Variants in UBE3C observed in about 807,000 individuals in gnomAD.
UBE3C encodes ubiquitin protein ligase E3C.
Under a neutral mutation model 129.4 loss-of-function variants are expected in UBE3C, and 42 were observed. The ratio of observed to expected loss-of-function variants is 0.32; its 90% CI spans 0.25 to 0.42. UBE3C has a LOEUF of 0.42. UBE3C is among the 10% of genes least tolerant of loss of function. The pLI, the probability that UBE3C is intolerant of heterozygous loss-of-function variation, is 1.00. For missense variants in UBE3C, 1,049 were observed against 1,319.1 expected, an observed-to-expected ratio of 0.80 and a Z score of 3.17; for synonymous variants, 510 against 492.4, an observed-to-expected ratio of 1.04 and a Z score of -0.47.
chr7:157,268,865 A>C lies in UBE3C; in HGVS notation c.*1110A>C, dbSNP rs571217833. On this transcript the variant is annotated 3_prime_UTR_variant, in exon 23 of 23. Coordinates refer to ENST00000348165, the MANE Select transcript of UBE3C (RefSeq NM_014671.3). ...GTCTCTACAAACAGAAAGCGTTTCAAAGCGTCAGCTGTGGGAGCAGAGTGA... is the reference window on the plus strand; with the variant it reads ...GTCTCTACAAACAGAAAGCGTTTCACAGCGTCAGCTGTGGGAGCAGAGTGA... 2.6e-5 allele frequency: 4 copies of C among 152,784 alleles called. No homozygotes were observed. Among genetic ancestry groups the C allele is most frequent in the African/African-American group, 9.6e-5 (4 of 41,586 alleles). The allele number at this position is 152,784 out of a possible 1,614,324, so 9.5% of individuals were successfully genotyped here. A position where few individuals can be genotyped will look rare whatever the true frequency, so the allele number is the denominator to read the frequency against.
intron 10 of UBE3C, among the ~76,000 whole-genome samples, chr7:157,199,308 A>G (rs969722266): frequency 2.0e-5 from 3 of 152,158 alleles, no homozygotes; most frequent in African/African-American, 7.2e-5. Flanking sequence ...TTCTTAGCAA[A>G]TAAAACTCCA....
intron 16 of UBE3C, 118 bp from the exon 17 acceptor site, chr7:157,225,286 CTAT>C: frequency 8.9e-7 from 1 of 1,122,872 alleles, no homozygotes; most frequent in Non-Finnish European, 1.2e-6. Flanking sequence ...GATACCTTGA[CTAT>C]TAGCATTTAT....
At chr7:157,203,055 C>T (rs1809334880) in intron 11 of UBE3C, among the ~76,000 whole-genome samples, 1 of 152,146 alleles carries the variant, frequency 6.6e-6, no homozygotes, top group Admixed American at 6.5e-5. Flanking sequence ...ATATGTAGAG[C>T]AAAAGATATT....
intron 4 of UBE3C, among the ~76,000 whole-genome samples, chr7:157,172,769 C>G (rs760935731): frequency 6.6e-6 from 1 of 152,186 alleles, no homozygotes; most frequent in Non-Finnish European, 1.5e-5. Context: ...AACAGGATGT[C>G]CTGGCCTCAC....
intron 13 of UBE3C, among the ~76,000 whole-genome samples, chr7:157,214,184 C>A (rs1298388430): frequency 6.6e-6 from 1 of 151,912 alleles, no homozygotes; most frequent in East Asian, 1.9e-4. Context: ...GTGATTACTT[C>A]TTTTTTCATA....
At chr7:157,153,378 G>A (rs151162507) in intron 1 of UBE3C, among the ~76,000 whole-genome samples, 2 of 152,162 alleles carry the variant, frequency 1.3e-5, no homozygotes, top group Non-Finnish European at 2.9e-5. Flanking sequence ...GTTAACTCTG[G>A]AACCAACTGT....
intron 1 of UBE3C, among the ~76,000 whole-genome samples, chr7:157,148,937 G>A (rs1807681624): frequency 1.3e-5 from 2 of 152,186 alleles, no homozygotes; most frequent in South Asian, 4.2e-4. Context: ...AATGTTAATT[G>A]ACTGTCAGGA....
intron 10 of UBE3C, chr7:157,198,100 G>T (rs903101561): frequency 6.2e-7 from 1 of 1,612,166 alleles, no homozygotes; most frequent in African/African-American, 1.3e-5. Context: ...GCATTTGTTG[G>T]TTCATTGTAA....
intron 22 of UBE3C, among the ~76,000 whole-genome samples, chr7:157,263,557 G>A (rs1019760375): frequency 2.0e-5 from 3 of 151,904 alleles, no homozygotes; most frequent in East Asian, 1.9e-4. Context: ...CCAGCTACTC[G>A]GGAGGTTGAG....
intron 1 of UBE3C, among the ~76,000 whole-genome samples, chr7:157,150,380 A>G (rs1023668047): frequency 6.9e-6 from 1 of 144,548 alleles, no homozygotes; most frequent in Non-Finnish European, 1.5e-5. Context: ...CTCTGTCTCA[A>G]AAAAAAAAAA....
chr7:157,189,874 C>A (rs1156714403), intron 10 of UBE3C, among the ~76,000 whole-genome samples: 2 of 152,124 alleles, frequency 1.3e-5, no homozygotes, highest in Non-Finnish European at 2.9e-5. Flanking sequence ...GAACTCGGCT[C>A]ACTGCAACCT....
chr7:157,242,984 G>A (rs1796383058), intron 18 of UBE3C, among the ~76,000 whole-genome samples: 1 of 152,034 alleles, frequency 6.6e-6, no homozygotes, highest in African/African-American at 2.4e-5. Context: ...GAAACCGGAA[G>A]GCAGAGATTA....
intron 18 of UBE3C, among the ~76,000 whole-genome samples, chr7:157,237,506 A>G (rs1332417203): frequency 6.6e-6 from 1 of 152,196 alleles, no homozygotes; most frequent in Non-Finnish European, 1.5e-5. Flanking sequence ...CTGCCCTTGG[A>G]TTAAGTAGGT....
rs1314734813 is a variant in UBE3C at position 157,201,715 on chromosome 7, T to C, written c.1332-6T>C. The C allele has an allele frequency of 6.3e-7, 1 of 1,591,778 alleles. No homozygotes were observed. Among genetic ancestry groups the C allele is most frequent in the South Asian group, 1.1e-5 (1 of 88,786 alleles). On this transcript the variant is annotated splice_polypyrimidine_tract_variant and splice_region_variant and intron_variant, in intron 10 of 22. Coordinates refer to ENST00000348165, the MANE Select transcript of UBE3C (RefSeq NM_014671.3). ...TGTTCTGTGTTTTTCTCCTATTCCT[T>C]TTTAGGCTTCTCTACAGTTTAGCCT...
rs1376128760 is a variant in UBE3C at position 157,171,682 on chromosome 7, ATATATTTTTTTTTTTTTTTTT to A, written c.342+1234_342+1254del. 2.5e-3 allele frequency among the ~76,000 whole-genome samples: 114 copies of A among 44,960 alleles called. 2 individuals carry two copies. Among genetic ancestry groups the A allele is most frequent in the African/African-American group, 7.9e-3 (98 of 12,370 alleles). 29.5% of individuals were successfully genotyped at this position (44,960 alleles called of 152,430 possible). On this transcript the variant is annotated intron_variant, in intron 4 of 22. Transcript: ENST00000348165. ...ATTTTATATATATATATATATATATATATATTTTTTTTTTTTTTTTTTTTTTTTTTTTTTTTTTTTTTGAGA... is the reference window on the plus strand; with the variant it reads ...ATTTTATATATATATATATATATATATTTTTTTTTTTTTTTTTTTTTGAGA...
At chr7:157,230,200 G>A (rs1441341402) in intron 17 of UBE3C, among the ~76,000 whole-genome samples, 3 of 152,006 alleles carry the variant, frequency 2.0e-5, no homozygotes, top group Non-Finnish European at 4.4e-5. Flanking sequence ...ATGAGCCACT[G>A]CACCTGGCCT....
At chr7:157,236,517 G>A (rs1796156794) in intron 18 of UBE3C, among the ~76,000 whole-genome samples, 2 of 152,142 alleles carry the variant, frequency 1.3e-5, no homozygotes, top group Non-Finnish European at 2.9e-5. Context: ...GTATTCTGTA[G>A]TGTAATATTG....
intron 10 of UBE3C, chr7:157,197,948 A>G (rs1809168738): frequency 1.9e-6 from 3 of 1,608,752 alleles, no homozygotes; most frequent in Non-Finnish European, 2.6e-6. Context: ...GCCCTTCTCC[A>G]CTAAAAGCCT....
intron 11 of UBE3C, among the ~76,000 whole-genome samples, chr7:157,204,703 C>T (rs1809384802): frequency 6.6e-6 from 1 of 152,146 alleles, no homozygotes; most frequent in South Asian, 2.1e-4. Flanking sequence ...ATGAGGGAAC[C>T]CATAGCCAGC....
Sources: gnomAD v4.1 joint callset for allele counts (sites outside exome capture counted in the v4.1 genomes callset) on GRCh38, gnomAD v4.1.1 for gene constraint, MANE v1.5 for transcripts, NCBI Gene and HGNC (gene_info 2026-07-23, HGNC 2026-07-21) for gene names.